The following FHIT variants were observed in gnomAD, a reference collection of about 807,000 sequenced individuals.
The protein encoded by FHIT is bis(5'-adenosyl)-triphosphatase.
In FHIT, 19 loss-of-function variants were observed where a neutral mutation model predicts 17.9. The ratio of observed to expected loss-of-function variants is 1.06; its 90% CI spans 0.74 to 1.56. The LOEUF (loss-of-function observed/expected upper bound fraction) is 1.56. Among genes scored for constraint, FHIT ranks in the 40% most tolerant of loss-of-function variants. The pLI is 0.00. For missense variants in FHIT, 248 were observed against 189.2 expected (o/e 1.31, Z -1.82); for synonymous variants, 81 against 69.7 (o/e 1.16, Z -0.81).
chr3:59,924,437 T>C (rs1012130640), intron 7 of FHIT, among the ~76,000 whole-genome samples: 13 of 152,188 alleles, frequency 8.5e-5, no homozygotes, highest in Non-Finnish European at 1.6e-4. Flanking sequence ...AAACTAACTG[T>C]GTGACCTTGT....
At chr3:60,390,842 G>C (rs980926758) in intron 5 of FHIT, among the ~76,000 whole-genome samples, 2 of 152,076 alleles carry the variant, frequency 1.3e-5, no homozygotes, top group Non-Finnish European at 2.9e-5. Flanking sequence ...GTTATTACAA[G>C]AGTGTCAGAA....
intron 3 of FHIT, among the ~76,000 whole-genome samples, chr3:60,829,315 A>G (rs782164444): frequency 6.6e-6 from 1 of 152,212 alleles, no homozygotes; most frequent in Admixed American, 6.5e-5. Context: ...TTTCACCTGC[A>G]TGGAAAAACT....
chr3:59,816,975 G>A (rs1018979500), intron 8 of FHIT, among the ~76,000 whole-genome samples: 6 of 152,224 alleles, frequency 3.9e-5, no homozygotes, highest in East Asian at 3.9e-4. Flanking sequence ...GTATAAACTC[G>A]TGGGACCTAA....
At chr3:60,526,772 A>G (rs241705) in intron 5 of FHIT, among the ~76,000 whole-genome samples, 103,895 of 152,022 alleles carry the variant, frequency 0.68, 36,164 homozygotes, top group East Asian at 0.91. Flanking sequence ...TCATGACAGT[A>G]CCTGTGTCAG....
chr3:59,991,289 C>T (rs1251505192), intron 7 of FHIT, among the ~76,000 whole-genome samples: 1 of 152,048 alleles, frequency 6.6e-6, no homozygotes, highest in African/African-American at 2.4e-5. Context: ...ACCATATAGA[C>T]TTTTAGTGAT....
chr3:59,887,206 C>A (rs773668845), intron 8 of FHIT, among the ~76,000 whole-genome samples: 2 of 152,134 alleles, frequency 1.3e-5, no homozygotes, highest in African/African-American at 2.4e-5. Flanking sequence ...CCTCGCAGAT[C>A]CCCCATCTCT....
intron 5 of FHIT, among the ~76,000 whole-genome samples, chr3:60,093,999 G>A (rs958009244): frequency 6.6e-5 from 10 of 152,206 alleles, no homozygotes; most frequent in Admixed American, 6.5e-5. Flanking sequence ...TGTAAGGTGT[G>A]AGAATCCTAT....
chr3:60,234,155 C>T (rs1704645009), intron 5 of FHIT, among the ~76,000 whole-genome samples: 1 of 152,124 alleles, frequency 6.6e-6, no homozygotes, highest in Non-Finnish European at 1.5e-5. Flanking sequence ...AATGATGACA[C>T]ATTACACAAA....
At chr3:60,611,527 T>G (rs1287165214) in intron 4 of FHIT, among the ~76,000 whole-genome samples, 1 of 152,150 alleles carries the variant, frequency 6.6e-6, no homozygotes, top group African/African-American at 2.4e-5. Flanking sequence ...GGCCCCTTAG[T>G]CCAAGCCTTT....
chr3:60,196,016 A>G (rs1702624196), intron 5 of FHIT, among the ~76,000 whole-genome samples: 2 of 152,126 alleles, frequency 1.3e-5, no homozygotes, highest in African/African-American at 4.8e-5. Context: ...TTGTACCCCT[A>G]AAGCTATTGA....
intron 4 of FHIT, among the ~76,000 whole-genome samples, chr3:60,584,546 T>C (rs1559558407): frequency 1.3e-5 from 2 of 152,040 alleles, no homozygotes; most frequent in Non-Finnish European, 2.9e-5. Flanking sequence ...GAATCCCAAA[T>C]GCATTCCCCT....
chr3:60,125,362 T>C (rs892797377), intron 5 of FHIT, among the ~76,000 whole-genome samples: 2 of 152,210 alleles, frequency 1.3e-5, no homozygotes, highest in African/African-American at 4.8e-5. Context: ...CCAGGCGTAG[T>C]GGCTTACGCC....
chr3:60,370,467 C>T (rs1353707709), intron 5 of FHIT, among the ~76,000 whole-genome samples: 1 of 152,160 alleles, frequency 6.6e-6, no homozygotes, highest in Non-Finnish European at 1.5e-5. Flanking sequence ...CAAGGTCGCG[C>T]CTCCTCAAGA....
chr3:60,394,461 T>A (rs931053794), intron 5 of FHIT, among the ~76,000 whole-genome samples: 1 of 152,110 alleles, frequency 6.6e-6, no homozygotes, highest in East Asian at 1.9e-4. Flanking sequence ...GGACTGAACA[T>A]GCCCAAAATC....
intron 4 of FHIT, among the ~76,000 whole-genome samples, chr3:60,674,055 C>A (rs2040568432): frequency 6.6e-6 from 1 of 152,004 alleles, no homozygotes; most frequent in Admixed American, 6.6e-5. Context: ...AGACTTCTCG[C>A]TTTTGCCCCA....
chr3:61,082,499 T>A (rs1040038731), intron 2 of FHIT, among the ~76,000 whole-genome samples: 5 of 152,190 alleles, frequency 3.3e-5, no homozygotes, highest in African/African-American at 1.2e-4. Context: ...TCAGATTGAG[T>A]TCCATTTGGA....
chr3:61,218,236 G>A (rs757887925), intron 1 of FHIT, among the ~76,000 whole-genome samples: 1 of 152,166 alleles, frequency 6.6e-6, no homozygotes, highest in Non-Finnish European at 1.5e-5. Flanking sequence ...TAACAGTTGT[G>A]TTGAGGAGGA....
intron 3 of FHIT, among the ~76,000 whole-genome samples, chr3:60,925,316 C>T (rs752764635): frequency 2.0e-5 from 3 of 152,170 alleles, no homozygotes; most frequent in Non-Finnish European, 4.4e-5. Context: ...AGAGAAAGGT[C>T]GGGTTACCCA....
chr3:59,762,640 A>C (rs1312612317), intron 8 of FHIT, among the ~76,000 whole-genome samples: 2 of 152,242 alleles, frequency 1.3e-5, no homozygotes, highest in African/African-American at 4.8e-5. Context: ...AACATAGTTG[A>C]AAACATGGGT....
Sources: allele counts gnomAD v4.1 joint callset (sites outside exome capture counted in the v4.1 genomes callset), GRCh38; gene constraint gnomAD v4.1.1; transcripts MANE v1.5; gene names NCBI Gene and HGNC (gene_info 2026-07-23, HGNC 2026-07-21).